Variants in KLF12 observed in about 807,000 individuals in gnomAD.
KLF12 encodes the protein KLF transcription factor 12.
In KLF12, 9 loss-of-function variants were observed where a neutral mutation model predicts 37.8. That is an observed-to-expected ratio of 0.24 (90% CI 0.14 to 0.42). KLF12 has a LOEUF of 0.42. Among genes scored for constraint, KLF12 ranks in the 10% least tolerant of loss-of-function variants. The pLI is 1.00. For missense variants in KLF12, 411 were observed against 516.0 expected, an observed-to-expected ratio of 0.80 and a Z score of 1.97; for synonymous variants, 208 against 202.1, an observed-to-expected ratio of 1.03 and a Z score of -0.25.
chr13:73,893,369 CTTTTTTTTTT>C (rs71115621), intron 3 of KLF12, among the ~76,000 whole-genome samples: 23 of 50,590 alleles, frequency 4.5e-4, no homozygotes, highest in African/African-American at 1.7e-3. Flanking sequence ...ACAATATTGA[CTTTTTTTTTT>C]TTTTTTTTTT....
chr13:74,011,958 G>C (rs1892562160), intron 1 of KLF12, among the ~76,000 whole-genome samples: 1 of 152,122 alleles, frequency 6.6e-6, no homozygotes, highest in Non-Finnish European at 1.5e-5. Flanking sequence ...AACAGTACTG[G>C]TCAAGGTTCC....
intron 6 of KLF12, among the ~76,000 whole-genome samples, chr13:73,753,471 C>T: frequency 6.6e-6 from 1 of 152,146 alleles, no homozygotes; most frequent in East Asian, 1.9e-4. Context: ...AGGCACTTAT[C>T]ACTACCAGAT....
At chr13:74,058,075 T>A in intron 1 of KLF12, among the ~76,000 whole-genome samples, 1 of 150,458 alleles carries the variant, frequency 6.6e-6, no homozygotes, top group Non-Finnish European at 1.5e-5. Context: ...CAAGCAATTC[T>A]CCTACCGCAG....
intron 3 of KLF12, among the ~76,000 whole-genome samples, chr13:73,915,734 G>A (rs1464773917): frequency 2.9e-5 from 4 of 139,710 alleles, no homozygotes; most frequent in East Asian, 2.1e-4. Flanking sequence ...AGGTTTCGCC[G>A]TGTTAGCCAG....
At chr13:74,051,025 C>G (rs1240566763) in intron 1 of KLF12, among the ~76,000 whole-genome samples, 2 of 152,068 alleles carry the variant, frequency 1.3e-5, no homozygotes, top group African/African-American at 4.8e-5. Context: ...TTATCAAAAA[C>G]ACAAATAACA....
chr13:73,691,746 T>C lies in KLF12; in HGVS notation c.*3744A>G, dbSNP rs1401460730. Reference sequence around the variant, plus strand: ...AATAAATCAAGTACAGAATAAGGAATACTGCATCTTTATCCATATAAATGT... The same window carrying C: ...AATAAATCAAGTACAGAATAAGGAACACTGCATCTTTATCCATATAAATGT... On this transcript the variant is annotated 3_prime_UTR_variant, in exon 8 of 8. Transcript: ENST00000377669. 2 of 152,656 alleles carry C rather than the reference T, an allele frequency of 1.3e-5. No individual in the cohort carries two copies. Among genetic ancestry groups the C allele is most frequent in the African/African-American group, 4.8e-5 (2 of 41,460 alleles). The allele number at this position is 152,656 out of a possible 1,614,324, so 9.5% of individuals were successfully genotyped here.
chr13:74,303,468 C>A, the KLF12 span, among the ~76,000 whole-genome samples: 1,696 of 152,140 alleles, frequency 0.011, 32 homozygotes, highest in African/African-American at 0.039. Flanking sequence ...AATAGTGACC[C>A]CAGTGGGCCT....
At chr13:73,933,039 T>TTA (rs1013225670) in intron 3 of KLF12, among the ~76,000 whole-genome samples, 61 of 152,316 alleles carry the variant, frequency 4.0e-4, no homozygotes, top group African/African-American at 1.5e-3. Context: ...TGCCTGTTAC[T>TTA]TACTTGTTGT....
the KLF12 span, among the ~76,000 whole-genome samples, chr13:74,275,807 CTTCTTTCTTTCT>C: frequency 0.022 from 1,105 of 50,036 alleles, 21 homozygotes; most frequent in Non-Finnish European, 0.026. Flanking sequence ...TCTTTCTTTC[CTTCTTTCTTTCT>C]TTCTTTCTTT....
chr13:74,200,019 G>A, the KLF12 span, among the ~76,000 whole-genome samples: 3 of 152,100 alleles, frequency 2.0e-5, no homozygotes, highest in Non-Finnish European at 2.9e-5. Flanking sequence ...GATAATTAAA[G>A]TTGATTTTTA....
chr13:73,900,748 A>G (rs1888001426), intron 3 of KLF12, among the ~76,000 whole-genome samples: 1 of 152,188 alleles, frequency 6.6e-6, no homozygotes, highest in Admixed American at 6.5e-5. Flanking sequence ...AAATGTCTAC[A>G]TGTTTTTCCT....
At chr13:74,076,021 C>T (rs976087089) in intron 1 of KLF12, among the ~76,000 whole-genome samples, 4 of 152,282 alleles carry the variant, frequency 2.6e-5, no homozygotes, top group South Asian at 2.1e-4. Flanking sequence ...CCGGATATCC[C>T]TGAATACCAC....
chr13:73,824,188 C>T (rs906521810), intron 4 of KLF12, among the ~76,000 whole-genome samples: 4 of 151,826 alleles, frequency 2.6e-5, no homozygotes, highest in Admixed American at 2.6e-4. Flanking sequence ...AACACGTATA[C>T]ACAGAGAACA....
the KLF12 span, among the ~76,000 whole-genome samples, chr13:74,267,213 A>G: frequency 2.0e-5 from 3 of 152,332 alleles, no homozygotes; most frequent in Non-Finnish European, 2.9e-5. Flanking sequence ...CTTATTTGAG[A>G]AAGAGTCTTT....
chr13:73,970,167 G>C (rs1323304918), intron 2 of KLF12, among the ~76,000 whole-genome samples: 2 of 152,140 alleles, frequency 1.3e-5, no homozygotes. Context: ...AAAACACAGA[G>C]GGTAGAATCT....
At chr13:73,969,029 TAAAA>T (rs58954841) in intron 2 of KLF12, among the ~76,000 whole-genome samples, 2 of 147,620 alleles carry the variant, frequency 1.4e-5, no homozygotes, top group African/African-American at 5.0e-5. Flanking sequence ...CCCCATACTT[TAAAA>T]AAAAAAAAAA....
upstream of KLF12, among the ~76,000 whole-genome samples, chr13:74,137,305 T>C (rs769679067): frequency 5.9e-5 from 9 of 152,334 alleles, no homozygotes; most frequent in East Asian, 1.9e-4. Context: ...AGTACGGTCA[T>C]AGAATTTGGG....
At chr13:73,777,624 C>T (rs1479664244) in intron 5 of KLF12, among the ~76,000 whole-genome samples, 1 of 151,890 alleles carries the variant, frequency 6.6e-6, no homozygotes, top group Non-Finnish European at 1.5e-5. Flanking sequence ...AGGAGAATCG[C>T]TTGAACCCGG....
rs1165788534 is a variant in KLF12, at chr13:73,850,896, G to C, written c.124-4523C>G. ...ACATTACATAGCTCATGGCTTAACT[G>C]TCACAAGAATCTTTGTTTTGTATCC... On this transcript the variant is annotated intron_variant, in intron 3 of 7. Coordinates refer to ENST00000377669, the MANE Select transcript of KLF12 (RefSeq NM_007249.5). 2.0e-5 allele frequency among the ~76,000 whole-genome samples: 3 copies of C among 152,202 alleles called. No individual in the cohort carries two copies. The East Asian group carries it at 5.8e-4, about 29-fold the overall frequency.
Sources: allele counts gnomAD v4.1 joint callset (sites outside exome capture counted in the v4.1 genomes callset), GRCh38; gene constraint gnomAD v4.1.1; transcripts MANE v1.5; gene names NCBI Gene and HGNC (gene_info 2026-07-23, HGNC 2026-07-21).